Variants in MICAL3 observed in about 807,000 individuals in gnomAD.
MICAL3 encodes microtubule associated monooxygenase, calponin and LIM domain containing 3.
MICAL3 carries 62 observed loss-of-function variants against 207.4 expected under a neutral mutation model. The ratio of observed to expected loss-of-function variants is 0.30; its 90% confidence interval spans 0.24 to 0.37. The LOEUF (loss-of-function observed/expected upper bound fraction) is 0.37, where lower values mean the gene tolerates loss of function less well. Among genes scored for constraint, MICAL3 ranks in the 10% least tolerant of loss-of-function variants. The pLI is 1.00. For missense variants in MICAL3, 2,368 were observed against 2,635.6 expected (o/e 0.90, Z 2.22); for synonymous variants, 1,077 against 1,069.3 (o/e 1.01, Z -0.14).
intron 1 of MICAL3, among the ~76,000 whole-genome samples, chr22:17,953,795 G>A (rs1755818000): frequency 1.3e-5 from 2 of 151,870 alleles, no homozygotes; most frequent in African/African-American, 4.8e-5. Flanking sequence ...GCTGAACGCA[G>A]TGGTGCGTAC....
At chr22:17,998,566 T>C (rs544756837) in intron 1 of MICAL3, among the ~76,000 whole-genome samples, 1 of 149,482 alleles carries the variant, frequency 6.7e-6, no homozygotes, top group Non-Finnish European at 1.5e-5. Context: ...TATTATTATT[T>C]TTTTTTTGAG....
chr22:17,817,199 T>G, intron 26 of MICAL3, 112 bp downstream of exon 26: 3 of 1,342,798 alleles, frequency 2.2e-6, no homozygotes, highest in South Asian at 1.5e-5. Context: ...GCACGGCTCC[T>G]GAGAACCCTC....
In MICAL3 at chr22:17,790,009, A is replaced by G. The variant is rs1055814655; in HGVS notation, c.*723T>C. 5.9e-5 allele frequency: 9 copies of G among 152,288 alleles called. No homozygotes were observed. Among genetic ancestry groups the G allele is most frequent in the African/African-American group, 1.7e-4 (7 of 41,548 alleles). The allele number at this position is 152,288 out of a possible 1,614,324, so 9.4% of individuals were successfully genotyped here. A position where few individuals can be genotyped will look rare whatever the true frequency, so the allele number is the denominator to read the frequency against. ...AATGTAGGGCCTCATCCTGTCCCCC[A>G]AAGTCAGCATTTTCCAGTGTCAAAA... On this transcript the variant is annotated 3_prime_UTR_variant, in exon 32 of 32. Transcript: ENST00000441493.
chr22:17,895,643 G>A lies in MICAL3; in HGVS notation c.1323-233C>T, dbSNP rs56154010. On this transcript the variant is annotated intron_variant, in intron 9 of 31. Coordinates refer to ENST00000441493, the MANE Select transcript of MICAL3 (RefSeq NM_015241.3). ...GGAGAGAGAGCAGGCACAAAACCGTGAGCGCCCACAGATGCTGCCTCCAAC... is the reference window on the plus strand; with the variant it reads ...GGAGAGAGAGCAGGCACAAAACCGTAAGCGCCCACAGATGCTGCCTCCAAC... 2.6e-3 allele frequency among the ~76,000 whole-genome samples: 394 copies of A among 151,926 alleles called. 2 individuals carry two copies. Among genetic ancestry groups the A allele is most frequent in the African/African-American group, 9.1e-3 (375 of 41,432 alleles).
At chr22:17,891,681 G>A in intron 11 of MICAL3, 49 bp from the exon 12 acceptor site, 1 of 1,581,564 alleles carries the variant, frequency 6.3e-7, no homozygotes, top group Non-Finnish European at 8.7e-7. Flanking sequence ...ACCTGGTAAT[G>A]CTGACAGAGA....
intron 12 of MICAL3, among the ~76,000 whole-genome samples, chr22:17,890,209 C>G (rs1244827712): frequency 6.6e-6 from 1 of 152,106 alleles, no homozygotes; most frequent in East Asian, 1.9e-4. Context: ...ACAGCATTTT[C>G]CATTTTCTCA....
intron 1 of MICAL3, among the ~76,000 whole-genome samples, chr22:17,914,822 T>G (rs1932377366): frequency 6.6e-6 from 1 of 152,238 alleles, no homozygotes; most frequent in Non-Finnish European, 1.5e-5. Flanking sequence ...ATGTATCAGT[T>G]GGCATTCTGC....
intron 1 of MICAL3, among the ~76,000 whole-genome samples, chr22:17,968,978 C>T (rs1298892822): frequency 2.6e-5 from 4 of 152,190 alleles, no homozygotes; most frequent in Non-Finnish European, 5.9e-5. Flanking sequence ...TCCCCCAACA[C>T]ACAAAGTCAA....
rs34107345 is a variant in MICAL3 at position 18,019,806 on chromosome 22, A to ATTTTTTTTTTTT, written c.-75+4463_-75+4474dup. On this transcript the variant is annotated intron_variant, in intron 1 of 31. Coordinates refer to ENST00000441493, the MANE Select transcript of MICAL3 (RefSeq NM_015241.3). Reference sequence around the variant, plus strand: ...ACTAGAGAAAATGAGAATGCTGCTGATTTTTTTTTTTTTTTTTTTTTTTTT... The same window carrying ATTTTTTTTTTTT: ...ACTAGAGAAAATGAGAATGCTGCTGATTTTTTTTTTTTTTTTTTTTTTTTTTTTTTTTTTTTT... The ATTTTTTTTTTTT allele has an allele frequency of 6.4e-5, 5 of 77,796 alleles. 1 individual carries two copies. Among genetic ancestry groups the ATTTTTTTTTTTT allele is most frequent in the African/African-American group, 3.0e-4 (5 of 16,740 alleles). 4.8% of individuals were successfully genotyped at this position (77,796 alleles called of 1,614,324 possible). A position where few individuals can be genotyped will look rare whatever the true frequency, so the allele number is the denominator to read the frequency against.
At chr22:17,833,759 A>G in intron 20 of MICAL3, among the ~76,000 whole-genome samples, 1 of 152,212 alleles carries the variant, frequency 6.6e-6, no homozygotes, top group East Asian at 1.9e-4. Flanking sequence ...AACCATGTGG[A>G]TAATCAATCA....
intron 16 of MICAL3, chr22:17,879,336 G>A (rs761287868): frequency 6.2e-7 from 1 of 1,603,986 alleles, no homozygotes; most frequent in Non-Finnish European, 8.5e-7. Context: ...ACGGGTTCAT[G>A]CTCTTTTACC....
At chr22:17,827,883 G>T in intron 21 of MICAL3, 102 bp from the exon 22 acceptor site, 1 of 1,264,416 alleles carries the variant, frequency 7.9e-7, no homozygotes, top group Non-Finnish European at 1.1e-6. Context: ...ATTGGCCAGG[G>T]TCAGTATGAA....
intron 1 of MICAL3, among the ~76,000 whole-genome samples, chr22:17,932,269 C>T (rs767488668): frequency 1.3e-5 from 2 of 152,270 alleles, no homozygotes; most frequent in African/African-American, 2.4e-5. Context: ...ATCAGACTAA[C>T]GCGGATCTCT....
At chr22:17,936,969 G>A (rs917415468) in intron 1 of MICAL3, among the ~76,000 whole-genome samples, 12 of 152,126 alleles carry the variant, frequency 7.9e-5, no homozygotes, top group Admixed American at 6.5e-4. Flanking sequence ...GACTACGCAC[G>A]TGTCCCCAAC....
chr22:17,997,111 T>C (rs1235432827), intron 1 of MICAL3, among the ~76,000 whole-genome samples: 1 of 142,332 alleles, frequency 7.0e-6, no homozygotes, highest in Admixed American at 7.6e-5. Flanking sequence ...GCTGGAGTGC[T>C]GGAGTGCAGT....
chr22:17,902,021 C>T lies in MICAL3; in HGVS notation c.590-42G>A, dbSNP rs773422827. 7.0e-7 allele frequency: 1 copy of T among 1,429,012 alleles called. No homozygotes were observed. The highest frequency in any genetic ancestry group is 9.8e-7 in the Non-Finnish European group (1 of 1,024,566). 88.5% of individuals were successfully genotyped at this position (1,429,012 alleles called of 1,614,324 possible). On this transcript the variant is annotated intron_variant, in intron 4 of 31. Coordinates refer to ENST00000441493, the MANE Select transcript of MICAL3 (RefSeq NM_015241.3). This position sits in a 1 kb window ranked among gnomAD's most constrained non-coding sequence, Gnocchi z 4.5. ...AATAAATGGGGGTCACCACCCAGAC[C>T]ACATTCACAGCCAGGACCATCTCTA...
intron 1 of MICAL3, among the ~76,000 whole-genome samples, chr22:17,968,331 C>T (rs1935247233): frequency 6.6e-6 from 1 of 152,130 alleles, no homozygotes; most frequent in South Asian, 2.1e-4. Context: ...ACCCGCCCTA[C>T]TGAGGGGACA....
intron 1 of MICAL3, among the ~76,000 whole-genome samples, chr22:17,955,399 C>A (rs549127278): frequency 6.2e-4 from 95 of 152,350 alleles, no homozygotes; most frequent in African/African-American, 2.2e-3. Context: ...AATCCATGCT[C>A]CTCCATCCCA....
At chr22:17,848,678 C>A (rs1924895870) in intron 19 of MICAL3, among the ~76,000 whole-genome samples, 1 of 152,216 alleles carries the variant, frequency 6.6e-6, no homozygotes, top group Non-Finnish European at 1.5e-5. Flanking sequence ...TCTGGTCAAG[C>A]TGCACATCAA....
Sources: allele counts gnomAD v4.1 joint callset (sites outside exome capture counted in the v4.1 genomes callset), GRCh38; gene constraint gnomAD v4.1.1; non-coding constraint Gnocchi (gnomAD v3.1); transcripts MANE v1.5; gene names NCBI Gene and HGNC (gene_info 2026-07-23, HGNC 2026-07-21).